FCER2: variants seen among roughly 807,000 people sequenced by gnomAD.
The protein encoded by FCER2 is low affinity immunoglobulin epsilon Fc receptor.
FCER2 carries 38 observed loss-of-function variants against 49.7 expected under a neutral mutation model. That is an observed-to-expected ratio of 0.76 (90% CI 0.59 to 1.00). The LOEUF is 1.00. Among genes scored for constraint, FCER2 ranks in the 50% least tolerant of loss-of-function variants. The pLI, the probability that FCER2 is intolerant of heterozygous loss-of-function variation, is 0.00. For missense variants in FCER2, 425 were observed against 419.5 expected (o/e 1.01, Z -0.11); for synonymous variants, 163 against 164.6 (o/e 0.99, Z 0.07).
At position 7,690,406 on chromosome 19, in the gene FCER2, C is replaced by T; in HGVS notation, c.621G>A (p.Gln207=). The T allele has an allele frequency of 6.2e-7, 1 of 1,613,522 alleles. No homozygotes were observed. Among genetic ancestry groups the T allele is most frequent in the Middle Eastern group, 1.7e-4 (1 of 6,060 alleles). ...CCACCTCTGCAGAGCCCCAGCCCAC[C>T]TGCTCCTCCGGGCTGTGGATGCTGA... ...QLVSIHSPEE[Q]DFLTKHASHT... The change falls in exon 9 of 11, where the codon CAG becomes CAA. Residue 207 remains glutamine, a splice_region_variant and synonymous_variant. Transcript: ENST00000597921.
chr19:7,693,068 A>G lies in FCER2; in HGVS notation c.470-2511T>C, dbSNP rs556971468. On this transcript the variant is annotated intron_variant, in intron 8 of 10. Transcript: ENST00000597921. ...CCACCACCAGCAGCAGCTTATCTCCACCACCCACACCACAGCCAACACCAT... is the reference window on the plus strand; with the variant it reads ...CCACCACCAGCAGCAGCTTATCTCCGCCACCCACACCACAGCCAACACCAT... Among the ~76,000 whole-genome samples the G allele has an allele frequency of 7.9e-5, 12 of 152,160 alleles. No individual in the cohort carries two copies. In the South Asian group the frequency reaches 2.3e-3, roughly 29 times the overall value.
Position 7,697,551 on chromosome 19 carries a change from C to G in FCER2, c.229G>C (p.Asp77His). ...CACTGGGATTTCTGCGCCATCTGGT[C>G]ACCGTGGTGGCTTTCCAAGTTCTTG... The part of the protein sequence containing the change: ...VSKNLESHHG[D>H]QMAQKSQSTQ... The change falls in exon 5 of 11, where the codon GAC becomes CAC. Residue 77 changes from aspartate to histidine, a missense_variant. Asp to His is a moderately conservative substitution (Grantham distance 81). Coordinates refer to ENST00000597921, the MANE Select transcript of FCER2 (RefSeq NM_001220500.2). 6.2e-7 allele frequency: 1 copy of G among 1,614,120 alleles called. No homozygotes were observed. The highest frequency in any genetic ancestry group is 8.5e-7 in the Non-Finnish European group (1 of 1,179,992).
In FCER2 at chr19:7,689,322, G is replaced by A; in HGVS notation, c.837C>T (p.Ala279=). ...NDAFCDRKLG[A]WVCDRLATCT... ...ATGTGGCCAGCCGGTCGCACACCCAGGCGCCCAGCTTACGGTCGCAGAAGG... is the reference window on the plus strand; with the variant it reads ...ATGTGGCCAGCCGGTCGCACACCCAAGCGCCCAGCTTACGGTCGCAGAAGG... Residue 279 remains alanine (A), a synonymous_variant, in exon 11 of 11, where the codon GCC becomes GCT. Transcript: ENST00000597921. 1 of 1,613,228 alleles carries A rather than the reference G, an allele frequency of 6.2e-7. No homozygotes were observed.
chr19:7,692,916 T>G (rs1373537595), intron 8 of FCER2, among the ~76,000 whole-genome samples: 4 of 151,856 alleles, frequency 2.6e-5, no homozygotes, highest in Non-Finnish European at 4.4e-5. Flanking sequence ...AAACACCTCA[T>G]AGCCAACAGT....
Position 7,699,438 on chromosome 19 carries a change from C to T in FCER2, c.22+301G>A, listed in dbSNP as rs575016706. On this transcript the variant is annotated intron_variant, in intron 2 of 10. Coordinates refer to ENST00000597921, the MANE Select transcript of FCER2 (RefSeq NM_001220500.2). ...GTTCCAAGTTCCTGTTCTATTTGGC[C>T]TCTGACTCTATTGGGCTCCCCGCTC... The T allele has an allele frequency of 1.3e-5, 19 of 1,460,812 alleles. No homozygotes were observed. In the South Asian group the frequency reaches 1.8e-4, roughly 14 times the overall value. 90.5% of individuals were successfully genotyped at this position (1,460,812 alleles called of 1,614,324 possible). A position where few individuals can be genotyped will look rare whatever the true frequency, so the allele number is the denominator to read the frequency against.
chr19:7,701,758 T>G (rs1181356108), intron 1 of FCER2, among the ~76,000 whole-genome samples: 4 of 152,126 alleles, frequency 2.6e-5, no homozygotes, highest in Admixed American at 6.5e-5. Flanking sequence ...GGGCCCTCTA[T>G]GATCGGCCCA....
intron 5 of FCER2, 107 bp downstream of exon 5, chr19:7,697,420 C>T (rs1372947651): frequency 1.5e-5 from 22 of 1,462,202 alleles, no homozygotes; most frequent in East Asian, 6.8e-5. Flanking sequence ...TTGCAGTTCC[C>T]GGGTGTCGGG....
chr19:7,690,078 T>C (rs4996977), intron 10 of FCER2, 81 bp downstream of exon 10: 252,203 of 870,746 alleles, frequency 0.29, 44,104 homozygotes, highest in African/African-American at 0.59. Flanking sequence ...TCATCCGCTT[T>C]CCGATGCAGT....
At chr19:7,690,598 T>C (rs778619621) in intron 8 of FCER2, 41 bp from the exon 9 acceptor site, 2 of 1,599,258 alleles carry the variant, frequency 1.3e-6, no homozygotes, top group Non-Finnish European at 1.7e-6. Flanking sequence ...CCAATGGAAG[T>C]GCCTTGGGCA....
Position 7,690,489 on chromosome 19 carries a change from C to T in FCER2, c.538G>A (p.Gly180Ser). The T allele has an allele frequency of 6.2e-7, 1 of 1,614,124 alleles. No individual in the cohort carries two copies. Among genetic ancestry groups the T allele is most frequent in the Non-Finnish European group, 8.5e-7 (1 of 1,179,990 alleles). Residue 180 changes from glycine (G) to serine (S), a missense_variant, in exon 9 of 11, where the codon GGC (glycine) becomes AGC (serine). Transcript: ENST00000597921. ...FQRKCYYFGK[G>S]TKQWVHARYA... is the part of the protein sequence containing the mutation. Reference sequence around the variant, plus strand: ...CGGGCGTGGACCCACTGCTTGGTGCCCTTGCCGAAGTAGTAGCACTTCCGT... The same window carrying T: ...CGGGCGTGGACCCACTGCTTGGTGCTCTTGCCGAAGTAGTAGCACTTCCGT...
In FCER2 at chr19:7,699,793, G is replaced by A. The variant is rs200865107; in HGVS notation, c.-33C>T. 934 of 1,610,700 alleles carry A rather than the reference G, an allele frequency of 5.8e-4. 6 individuals are homozygous for A. The African/African-American group carries it at 0.011, about 19-fold the overall frequency. The stretch of plus-strand genomic sequence containing the variant: ...CTGCTTGGATTCTCCCGATGATGGA[G>A]CACTCACTCCCTGACAACGCAGTCC... On this transcript the variant is annotated 5_prime_UTR_variant, in exon 2 of 11. Transcript: ENST00000597921.
chr19:7,697,119 T>C, intron 6 of FCER2, 44 bp from the exon 7 acceptor site: 1 of 1,611,934 alleles, frequency 6.2e-7, no homozygotes, highest in Non-Finnish European at 8.5e-7. Context: ...GGAGGATGTG[T>C]ACAGGCCGAG....
chr19:7,690,682 A>G, intron 8 of FCER2, 125 bp from the exon 9 acceptor site: 2 of 897,368 alleles, frequency 2.2e-6, no homozygotes, highest in East Asian at 2.7e-5. Flanking sequence ...GACCCACCCC[A>G]GGGCCTAACA....
chr19:7,699,558 T>A, intron 2 of FCER2, 181 bp downstream of exon 2: 4 of 1,173,178 alleles, frequency 3.4e-6, no homozygotes, highest in Non-Finnish European at 2.3e-6. Context: ...TTGCCACTCC[T>A]TCCTGGCTCT....
At chr19:7,692,080 CCA>C in intron 8 of FCER2, among the ~76,000 whole-genome samples, 1 of 151,314 alleles carries the variant, frequency 6.6e-6, no homozygotes, top group Non-Finnish European at 1.5e-5. Flanking sequence ...ACATTCATGT[CCA>C]ACAACACATC....
At chr19:7,700,102 C>A in intron 1 of FCER2, 1 of 306,518 alleles carries the variant, frequency 3.3e-6, no homozygotes, top group African/African-American at 2.2e-5. Flanking sequence ...TGACAAATGG[C>A]TTAATTAACC....
Position 7,698,365 on chromosome 19 carries a change from C to T in FCER2, c.181G>A (p.Ala61Thr), listed in dbSNP as rs151242082. Reference sequence around the variant, plus strand: ...CTTGACCCCTTCATACCGTTCCGGGCAGCCCTCTCTTCCAGCTGTTTTAGA... The same window carrying T: ...CTTGACCCCTTCATACCGTTCCGGGTAGCCCTCTCTTCCAGCTGTTTTAGA... ...QSLKQLEERA[A>T]RNVSQVSKNL... Residue 61 changes from alanine to threonine, a missense_variant, in exon 4 of 11, where the codon GCC becomes ACC. Ala to Thr is a moderately conservative substitution (Grantham distance 58). Transcript: ENST00000597921. 6.2e-6 allele frequency: 10 copies of T among 1,611,868 alleles called. No homozygotes were observed. In the African/African-American group the frequency reaches 1.2e-4, roughly 19 times the overall value.
chr19:7,699,361 G>A (rs1325736485), intron 2 of FCER2: 1 of 1,321,794 alleles, frequency 7.6e-7, no homozygotes, highest in Non-Finnish European at 9.9e-7. Context: ...TCAAGCCCCT[G>A]GCCCTCTGCA....
At chr19:7,699,581 T>A in intron 2 of FCER2, 158 bp downstream of exon 2, 4 of 1,195,436 alleles carry the variant, frequency 3.3e-6, no homozygotes, top group Non-Finnish European at 4.7e-6. Context: ...GCCAGGAAAG[T>A]CAGTCCGGCC....
Sources: gnomAD v4.1 joint callset for allele counts (sites outside exome capture counted in the v4.1 genomes callset) on GRCh38, gnomAD v4.1.1 for gene constraint, MANE v1.5 for transcripts, NCBI Gene and HGNC (gene_info 2026-07-23, HGNC 2026-07-21) for gene names.